The following THSD4 variants were observed in gnomAD, a reference collection of about 807,000 sequenced individuals.
THSD4 encodes thrombospondin type 1 domain containing 4.
In THSD4, 69 loss-of-function variants were observed where a neutral mutation model predicts 119.0. That is an observed-to-expected ratio of 0.58 (90% CI 0.48 to 0.71). The LOEUF (loss-of-function observed/expected upper bound fraction) is 0.71. THSD4 is among the 30% of genes least tolerant of loss of function. The pLI is 0.00. For synonymous variants in THSD4, 524 were observed against 540.4 expected, an observed-to-expected ratio of 0.97 and a Z score of 0.42; for missense variants, 1,393 against 1,391.1, an observed-to-expected ratio of 1.00 and a Z score of -0.02.
At chr15:71,751,283 T>C (rs1367210419) in intron 14 of THSD4, among the ~76,000 whole-genome samples, 1 of 152,218 alleles carries the variant, frequency 6.6e-6, no homozygotes, top group African/African-American at 2.4e-5. Context: ...CATTTTTATA[T>C]TGGAATGATT....
intron 1 of THSD4, among the ~76,000 whole-genome samples, chr15:71,141,114 T>G (rs546644150): frequency 6.6e-6 from 1 of 152,228 alleles, no homozygotes; most frequent in Non-Finnish European, 1.5e-5. Context: ...TGACATGACA[T>G]CTATGGTCAA....
chr15:71,687,203 C>T (rs995059381), intron 8 of THSD4, among the ~76,000 whole-genome samples: 20 of 152,292 alleles, frequency 1.3e-4, no homozygotes, highest in Middle Eastern at 3.4e-3. Context: ...ACTAGATGTC[C>T]ACCTTCTTTA....
intron 6 of THSD4, among the ~76,000 whole-genome samples, chr15:71,360,644 G>C (rs755950519): frequency 6.6e-6 from 1 of 152,166 alleles, no homozygotes; most frequent in Non-Finnish European, 1.5e-5. Flanking sequence ...TATTTTGCTA[G>C]CATATGACTC....
chr15:71,546,159 TTAAA>T (rs72039924), intron 7 of THSD4, among the ~76,000 whole-genome samples: 14,579 of 151,822 alleles, frequency 0.096, 2,302 homozygotes, highest in African/African-American at 0.33. Context: ...CTCACCAGGG[TTAAA>T]TACTCACCCA....
At chr15:71,317,658 C>T (rs2045207811) in intron 6 of THSD4, among the ~76,000 whole-genome samples, 1 of 152,072 alleles carries the variant, frequency 6.6e-6, no homozygotes. Context: ...GCAAAATGTA[C>T]CCTTTGGGAA....
chr15:71,695,851 C>A (rs1477565409), intron 8 of THSD4, among the ~76,000 whole-genome samples: 1 of 152,114 alleles, frequency 6.6e-6, no homozygotes, highest in African/African-American at 2.4e-5. Context: ...CCCATCTATA[C>A]AATGAAGCTA....
At chr15:71,768,249 C>G (rs1288121662) in intron 16 of THSD4, among the ~76,000 whole-genome samples, 1 of 149,524 alleles carries the variant, frequency 6.7e-6, no homozygotes, top group South Asian at 2.1e-4. Context: ...GAGAGGCAGC[C>G]CCCCGGAAGT....
intron 7 of THSD4, among the ~76,000 whole-genome samples, chr15:71,479,247 T>TAA (rs1309187342): frequency 4.2e-5 from 6 of 144,142 alleles, no homozygotes; most frequent in Non-Finnish European, 9.0e-5. Flanking sequence ...AGGTACTAGA[T>TAA]GGACATATTT....
intron 7 of THSD4, among the ~76,000 whole-genome samples, chr15:71,415,651 C>T (rs1462342012): frequency 6.6e-6 from 1 of 151,982 alleles, no homozygotes; most frequent in African/African-American, 2.4e-5. Flanking sequence ...TTTTTTTGTA[C>T]CCATTAACTA....
At chr15:71,389,338 A>G (rs1000971077) in intron 6 of THSD4, among the ~76,000 whole-genome samples, 7 of 152,034 alleles carry the variant, frequency 4.6e-5, no homozygotes, top group African/African-American at 1.7e-4. Flanking sequence ...CTGTCTCTGA[A>G]TTTGACTACT....
At chr15:71,594,540 G>C (rs1483780354) in intron 7 of THSD4, among the ~76,000 whole-genome samples, 2 of 152,082 alleles carry the variant, frequency 1.3e-5, no homozygotes, top group Non-Finnish European at 2.9e-5. Flanking sequence ...GCCCGACCCA[G>C]GTGTGCCCAA....
At chr15:71,427,022 C>G (rs575573971) in intron 7 of THSD4, among the ~76,000 whole-genome samples, 6 of 152,182 alleles carry the variant, frequency 3.9e-5, no homozygotes, top group Non-Finnish European at 7.4e-5. Flanking sequence ...CTTAGGACCT[C>G]TTGAAACCTT....
intron 1 of THSD4, among the ~76,000 whole-genome samples, chr15:71,130,644 G>A (rs2040494861): frequency 6.6e-6 from 1 of 152,146 alleles, no homozygotes; most frequent in Admixed American, 6.5e-5. Context: ...TGTAAAATGG[G>A]GATAGGAATA....
chr15:71,731,157 G>C lies in THSD4; in HGVS notation c.1570G>C (p.Glu524Gln). The C allele has an allele frequency of 1.9e-6, 3 of 1,614,142 alleles. No homozygotes were observed. In the South Asian group the frequency reaches 3.3e-5, roughly 18 times the overall value. The change falls in exon 10 of 18, where the codon GAG becomes CAG. Residue 524 changes from glutamate to glutamine, a missense_variant. By Grantham distance (29) the Glu-to-Gln change is conservative. Transcript: ENST00000261862. The part of the protein sequence containing the change: ...HQQPNPGVHY[E>Q]YVIMGTNAIS... ...GCAGCCAAACCCAGGCGTGCACTAC[G>C]AGTACGTGATCATGGGGACCAACGC... is the stretch of plus-strand genomic sequence containing the variant.
At chr15:71,451,172 C>T (rs1324919702) in intron 7 of THSD4, among the ~76,000 whole-genome samples, 1 of 152,036 alleles carries the variant, frequency 6.6e-6, no homozygotes, top group Non-Finnish European at 1.5e-5. Context: ...AGCAAGACTC[C>T]CTCTCAAAGA....
chr15:71,731,082 A>C lies in THSD4; in HGVS notation c.1534-39A>C, dbSNP rs2052968593. 1.9e-6 allele frequency: 3 copies of C among 1,603,678 alleles called. No homozygotes were observed. The South Asian group carries it at 3.3e-5, about 18-fold the overall frequency. On this transcript the variant is annotated intron_variant, in intron 9 of 17. Coordinates refer to ENST00000261862, the MANE Select transcript of THSD4 (RefSeq NM_024817.3). ...ATTGAAACCCAGAAGGGGTGTGCAT[A>C]CGTGCCAAGTGCGGTAACACTGATT...
intron 6 of THSD4, among the ~76,000 whole-genome samples, chr15:71,401,536 T>C (rs1035558602): frequency 2.8e-4 from 42 of 152,246 alleles, no homozygotes; most frequent in African/African-American, 5.5e-4. Flanking sequence ...ATAATACTTA[T>C]ATTGTTAATT....
At chr15:71,563,858 T>C (rs541727356) in intron 7 of THSD4, among the ~76,000 whole-genome samples, 248 of 152,236 alleles carry the variant, frequency 1.6e-3, no homozygotes, top group African/African-American at 5.8e-3. Flanking sequence ...CAAATGCGTA[T>C]TGAGGCCCTA....
At chr15:71,206,474 C>A (rs1433612851) in intron 3 of THSD4, among the ~76,000 whole-genome samples, 2 of 152,160 alleles carry the variant, frequency 1.3e-5, no homozygotes, top group African/African-American at 4.8e-5. Context: ...ATTTTTGAAA[C>A]GTTTGCTTTA....
Sources: gnomAD v4.1 joint callset for allele counts (sites outside exome capture counted in the v4.1 genomes callset) on GRCh38, gnomAD v4.1.1 for gene constraint, MANE v1.5 for transcripts, NCBI Gene and HGNC (gene_info 2026-07-23, HGNC 2026-07-21) for gene names.